SYNDIG1: variants seen among roughly 807,000 people sequenced by gnomAD.
SYNDIG1 encodes the protein synapse differentiation inducing 1.
Under a neutral mutation model 19.4 loss-of-function variants are expected in SYNDIG1, and 9 were observed. The ratio of observed to expected loss-of-function variants is 0.46; its 90% CI spans 0.28 to 0.81. The LOEUF (loss-of-function observed/expected upper bound fraction) is 0.81, where lower values mean the gene tolerates loss of function less well. SYNDIG1 is among the 30% of genes least tolerant of loss of function. SYNDIG1 has a pLI of 0.12. For missense variants in SYNDIG1, 311 were observed against 343.3 expected (o/e 0.91, Z 0.74); for synonymous variants, 141 against 145.9 (o/e 0.97, Z 0.24).
chr20:24,586,216 T>G (rs2058415120), intron 3 of SYNDIG1, among the ~76,000 whole-genome samples: 1 of 152,004 alleles, frequency 6.6e-6, no homozygotes, highest in Non-Finnish European at 1.5e-5. Flanking sequence ...CAGGCAGGGG[T>G]GTAGCTGGAG....
At chr20:24,489,736 T>C (rs1600414173) in intron 1 of SYNDIG1, among the ~76,000 whole-genome samples, 1 of 152,234 alleles carries the variant, frequency 6.6e-6, no homozygotes, top group Admixed American at 6.5e-5. Flanking sequence ...TGAATGTCAC[T>C]GCGGCATGGA....
At chr20:24,589,978 A>C (rs1357048517) in intron 3 of SYNDIG1, among the ~76,000 whole-genome samples, 2 of 152,174 alleles carry the variant, frequency 1.3e-5, no homozygotes, top group African/African-American at 4.8e-5. Flanking sequence ...CAGTGAACAG[A>C]GCAAACCAAA....
chr20:24,568,154 A>G (rs1333412620), intron 2 of SYNDIG1, among the ~76,000 whole-genome samples: 1 of 152,178 alleles, frequency 6.6e-6, no homozygotes, highest in African/African-American at 2.4e-5. Flanking sequence ...AAAAACACAA[A>G]AAAGAAAGAA....
At chr20:24,506,252 A>G (rs1211551857) in intron 1 of SYNDIG1, among the ~76,000 whole-genome samples, 1 of 152,234 alleles carries the variant, frequency 6.6e-6, no homozygotes, top group Non-Finnish European at 1.5e-5. Flanking sequence ...TTAGCAAGTT[A>G]TAAGACAAGG....
chr20:24,586,227 G>A (rs1247677000), intron 3 of SYNDIG1, among the ~76,000 whole-genome samples: 1 of 152,164 alleles, frequency 6.6e-6, no homozygotes, highest in Non-Finnish European at 1.5e-5. Flanking sequence ...GTAGCTGGAG[G>A]GGCACAGTGG....
At chr20:24,604,116 T>C (rs2058718875) in intron 3 of SYNDIG1, among the ~76,000 whole-genome samples, 1 of 144,750 alleles carries the variant, frequency 6.9e-6, no homozygotes, top group African/African-American at 2.4e-5. Flanking sequence ...ATTTGTATTA[T>C]TCTTTCTTTT....
intron 1 of SYNDIG1, among the ~76,000 whole-genome samples, chr20:24,471,720 C>CCA (rs1268220393): frequency 1.3e-5 from 2 of 151,844 alleles, no homozygotes; most frequent in African/African-American, 4.8e-5. Flanking sequence ...GCTTTGTGTA[C>CCA]CCCCCACCCA....
chr20:24,633,402 C>T (rs762208580), intron 3 of SYNDIG1, among the ~76,000 whole-genome samples: 4 of 152,196 alleles, frequency 2.6e-5, no homozygotes, highest in African/African-American at 4.8e-5. Context: ...TTTATCCGTG[C>T]CTGGCAGAGT....
At chr20:24,634,166 T>C (rs1428505300) in intron 3 of SYNDIG1, among the ~76,000 whole-genome samples, 1 of 152,196 alleles carries the variant, frequency 6.6e-6, no homozygotes, top group East Asian at 1.9e-4. Flanking sequence ...TATCAATGTG[T>C]GTGTGGGCAG....
chr20:24,479,245 C>T (rs538381985), intron 1 of SYNDIG1, among the ~76,000 whole-genome samples: 2 of 152,244 alleles, frequency 1.3e-5, no homozygotes, highest in South Asian at 2.1e-4. Flanking sequence ...TTGGGAGCCC[C>T]GTCCTGATGG....
intron 1 of SYNDIG1, among the ~76,000 whole-genome samples, chr20:24,486,746 C>T (rs1213854867): frequency 6.6e-6 from 1 of 152,016 alleles, no homozygotes; most frequent in South Asian, 2.1e-4. Flanking sequence ...GAAACCTCCA[C>T]CTCCCGGGTT....
intron 3 of SYNDIG1, among the ~76,000 whole-genome samples, chr20:24,588,454 C>T (rs2058453531): frequency 6.6e-6 from 1 of 152,232 alleles, no homozygotes; most frequent in Non-Finnish European, 1.5e-5. Context: ...ACCCTTGCTT[C>T]CAGGATGTGG....
At chr20:24,517,713 T>C (rs2056912788) in intron 1 of SYNDIG1, among the ~76,000 whole-genome samples, 1 of 146,754 alleles carries the variant, frequency 6.8e-6, no homozygotes, top group Non-Finnish European at 1.5e-5. Flanking sequence ...TATGTGTATA[T>C]ATATGTGTAT....
chr20:24,650,992 T>G (rs1320135790), intron 3 of SYNDIG1, among the ~76,000 whole-genome samples: 4 of 152,144 alleles, frequency 2.6e-5, no homozygotes, highest in African/African-American at 7.2e-5. Context: ...CGCACCACCA[T>G]GTCTGGCTAG....
At chr20:24,586,026 C>A (rs763805576) in intron 3 of SYNDIG1, among the ~76,000 whole-genome samples, 1 of 152,212 alleles carries the variant, frequency 6.6e-6, no homozygotes, top group African/African-American at 2.4e-5. Flanking sequence ...GTTTGTTGGA[C>A]GAGTGAGAGG....
intron 2 of SYNDIG1, among the ~76,000 whole-genome samples, chr20:24,574,213 C>T (rs186652595): frequency 6.6e-6 from 1 of 152,070 alleles, no homozygotes; most frequent in African/African-American, 2.4e-5. Context: ...CACGGTGGCT[C>T]ACACCTGTAA....
Position 24,637,437 on chromosome 20 carries a change from G to A in SYNDIG1, c.619-27909G>A, listed in dbSNP as rs775958123. 1.7e-4 allele frequency among the ~76,000 whole-genome samples: 26 copies of A among 152,146 alleles called. 1 individual carries two copies. The highest frequency in any genetic ancestry group is 2.9e-4 in the Non-Finnish European group (20 of 68,028). On this transcript the variant is annotated intron_variant, in intron 3 of 3. Transcript: ENST00000376862. ...GAGACAGAAAGAATAGGCCCATAAA[G>A]ACAACCCTCTCATTCAGAGACATCA...
intron 3 of SYNDIG1, among the ~76,000 whole-genome samples, chr20:24,654,050 G>T (rs1165737258): frequency 6.6e-6 from 1 of 152,228 alleles, no homozygotes; most frequent in Non-Finnish European, 1.5e-5. Context: ...ATAGTCCTCA[G>T]AGAAAAGACC....
chr20:24,607,882 G>A (rs975449673), intron 3 of SYNDIG1, among the ~76,000 whole-genome samples: 4 of 152,314 alleles, frequency 2.6e-5, no homozygotes, highest in South Asian at 2.1e-4. Flanking sequence ...CGAAGGTAAC[G>A]TTAATGCATT....
Sources: gnomAD v4.1 joint callset for allele counts (sites outside exome capture counted in the v4.1 genomes callset) on GRCh38, gnomAD v4.1.1 for gene constraint, MANE v1.5 for transcripts, NCBI Gene and HGNC (gene_info 2026-07-23, HGNC 2026-07-21) for gene names.